The following KCNN3 variants were observed in gnomAD, a reference collection of about 807,000 sequenced individuals.
The protein encoded by KCNN3 is small conductance calcium-activated potassium channel protein 3.
In KCNN3, 16 loss-of-function variants were observed where a neutral mutation model predicts 62.9. The ratio of observed to expected loss-of-function variants is 0.25; its 90% confidence interval spans 0.17 to 0.39. The LOEUF is 0.39. Ranked by LOEUF, KCNN3 falls within the 10% of genes least tolerant of loss-of-function variation. KCNN3 has a pLI of 1.00. For synonymous variants in KCNN3, 370 were observed against 389.2 expected, an observed-to-expected ratio of 0.95 and a Z score of 0.58; for missense variants, 599 against 949.4, an observed-to-expected ratio of 0.63 and a Z score of 4.85.
Position 154,869,319 on chromosome 1 carries a change from G to T in KCNN3, c.646C>A (p.Pro216Thr), listed in dbSNP as rs1056344278. ...QPLQLFSPSN[P>T]PEIVISSRED... ...CGGGAGGAGATGACGATCTCCGGGGGGTTGCTAGGGCTGAAAAGCTGGAGG... is the reference window on the plus strand; with the variant it reads ...CGGGAGGAGATGACGATCTCCGGGGTGTTGCTAGGGCTGAAAAGCTGGAGG... The change falls in exon 1 of 8, where the codon CCC becomes ACC. Residue 216 changes from proline to threonine, a missense_variant. Pro to Thr is a conservative substitution (Grantham distance 38). This residue lies in a region of KCNN3 where 80 missense variants were observed against 85.4 expected (regional missense o/e 0.94). Transcript: ENST00000271915. The surrounding 1 kb of genome is among the most constrained non-coding windows in gnomAD (Gnocchi z 6.1). 1.9e-6 allele frequency: 3 copies of T among 1,613,766 alleles called. No homozygotes were observed. The highest frequency in any genetic ancestry group is 1.7e-5 in the Admixed American group (1 of 60,024).
intron 7 of KCNN3, among the ~76,000 whole-genome samples, chr1:154,711,091 C>T (rs1036451201): frequency 1.1e-4 from 17 of 152,162 alleles, no homozygotes; most frequent in African/African-American, 4.1e-4. Flanking sequence ...TTGGAACCAA[C>T]CCAAATGTCT....
intron 3 of KCNN3, among the ~76,000 whole-genome samples, chr1:154,768,643 C>T (rs902918236): frequency 6.6e-6 from 1 of 152,194 alleles, no homozygotes; most frequent in Non-Finnish European, 1.5e-5. Flanking sequence ...CTTGCTGCCC[C>T]CAGGCAAGGG....
chr1:154,748,737 G>A (rs1010355023), intron 3 of KCNN3, among the ~76,000 whole-genome samples: 6 of 152,214 alleles, frequency 3.9e-5, no homozygotes, highest in African/African-American at 1.4e-4. Flanking sequence ...GAGACAGAAG[G>A]ATCCCTTGAG....
At chr1:154,765,508 C>A (rs984360970) in intron 3 of KCNN3, among the ~76,000 whole-genome samples, 2 of 152,162 alleles carry the variant, frequency 1.3e-5, no homozygotes, top group African/African-American at 4.8e-5. Context: ...TTTTCTGGAA[C>A]TCTGTGCTTA....
chr1:154,816,565 G>A (rs979763831), intron 2 of KCNN3, among the ~76,000 whole-genome samples: 8 of 152,306 alleles, frequency 5.3e-5, no homozygotes, highest in Non-Finnish European at 7.4e-5. Flanking sequence ...GCCTCCGGAT[G>A]TGAATGTGTC....
chr1:154,848,070 C>G (rs1036676073), intron 1 of KCNN3, among the ~76,000 whole-genome samples: 1 of 152,298 alleles, frequency 6.6e-6, no homozygotes, highest in East Asian at 1.9e-4. Context: ...CAGAAGCCAG[C>G]GCTGATGAGT....
chr1:154,764,816 G>A (rs146325921), intron 3 of KCNN3, among the ~76,000 whole-genome samples: 55 of 152,212 alleles, frequency 3.6e-4, no homozygotes, highest in Middle Eastern at 3.4e-3. Flanking sequence ...TTGATTTCAT[G>A]TTTGCCTGTG....
At chr1:154,745,779 A>G (rs574431478) in intron 3 of KCNN3, among the ~76,000 whole-genome samples, 48 of 152,320 alleles carry the variant, frequency 3.2e-4, no homozygotes, top group African/African-American at 1.1e-3. Flanking sequence ...CTTCTTATTA[A>G]AAAAATATTT....
intron 1 of KCNN3, among the ~76,000 whole-genome samples, chr1:154,855,728 G>A (rs1165978852): frequency 6.6e-6 from 1 of 152,194 alleles, no homozygotes; most frequent in African/African-American, 2.4e-5. Context: ...GTGATGCCTA[G>A]AACAATACAC....
intron 3 of KCNN3, among the ~76,000 whole-genome samples, chr1:154,756,153 GGAGGAGA>G (rs1455688904): frequency 1.1e-5 from 1 of 90,594 alleles, no homozygotes; most frequent in Non-Finnish European, 2.2e-5. Flanking sequence ...GGAAGAAGAA[GGAGGAGA>G]AGAAGAAGAG....
chr1:154,866,425 C>T (rs1652958939), intron 1 of KCNN3, among the ~76,000 whole-genome samples: 1 of 152,150 alleles, frequency 6.6e-6, no homozygotes, highest in South Asian at 2.1e-4. Flanking sequence ...GAAACAGGCT[C>T]GCTAAAGCTC....
chr1:154,838,792 C>G (rs1558001214), intron 1 of KCNN3, among the ~76,000 whole-genome samples: 3 of 152,186 alleles, frequency 2.0e-5, no homozygotes, highest in Non-Finnish European at 4.4e-5. Flanking sequence ...GTGTGGGAAC[C>G]AAGTCTTTGT....
chr1:154,837,418 C>T (rs199617786), intron 1 of KCNN3, among the ~76,000 whole-genome samples: 4 of 152,194 alleles, frequency 2.6e-5, no homozygotes, highest in East Asian at 1.9e-4. Flanking sequence ...GCTGGGATTA[C>T]AGGCATGAGC....
chr1:154,828,821 C>G (rs1651259140), intron 1 of KCNN3, among the ~76,000 whole-genome samples: 1 of 152,248 alleles, frequency 6.6e-6, no homozygotes, highest in Non-Finnish European at 1.5e-5. Flanking sequence ...CGGAGCTGCT[C>G]ACTGCACCCC....
At chr1:154,778,314 G>A (rs1400207393) in intron 2 of KCNN3, among the ~76,000 whole-genome samples, 1 of 152,220 alleles carries the variant, frequency 6.6e-6, no homozygotes, top group South Asian at 2.1e-4. Context: ...GAATCAACAA[G>A]GTTAGGCCAT....
rs965145333 is a variant in KCNN3 at position 154,703,705 on chromosome 1, G to A, written c.*4271C>T. 9 of 152,132 alleles carry A rather than the reference G, an allele frequency of 5.9e-5. No individual in the cohort carries two copies. Among genetic ancestry groups the A allele is most frequent in the African/African-American group, 1.7e-4 (7 of 41,410 alleles). The allele number at this position is 152,132 out of a possible 1,614,324, so 9.4% of individuals were successfully genotyped here. On this transcript the variant is annotated 3_prime_UTR_variant, in exon 8 of 8. Transcript: ENST00000271915. Reference sequence around the variant, plus strand: ...AGGAGGAGGAAGGTTCTGGAACTACGTGCTAATCCCATATTTCTCCCTGCT... The same window carrying A: ...AGGAGGAGGAAGGTTCTGGAACTACATGCTAATCCCATATTTCTCCCTGCT...
At chr1:154,845,590 T>C (rs1011524107) in intron 1 of KCNN3, among the ~76,000 whole-genome samples, 3 of 152,146 alleles carry the variant, frequency 2.0e-5, no homozygotes, top group African/African-American at 7.2e-5. Flanking sequence ...GAGCCAAAGG[T>C]GTCTGCTTCT....
chr1:154,725,811 G>T, intron 5 of KCNN3, 105 bp downstream of exon 5: 1 of 806,238 alleles, frequency 1.2e-6, no homozygotes, highest in Non-Finnish European at 2.1e-6. Context: ...CTAAAGTGTT[G>T]GGATTACAGG....
At chr1:154,729,293 G>A (rs1700540886) in intron 4 of KCNN3, among the ~76,000 whole-genome samples, 1 of 152,180 alleles carries the variant, frequency 6.6e-6, no homozygotes, top group Non-Finnish European at 1.5e-5. Flanking sequence ...ATCAACTGGA[G>A]TCCCTGGATG....
Sources: allele counts gnomAD v4.1 joint callset (sites outside exome capture counted in the v4.1 genomes callset), GRCh38; gene constraint gnomAD v4.1.1; regional missense constraint gnomAD v4.1.1; non-coding constraint Gnocchi (gnomAD v3.1); transcripts MANE v1.5; gene names NCBI Gene and HGNC (gene_info 2026-07-23, HGNC 2026-07-21).